The following ENTREP2 variants were observed in gnomAD, a reference collection of about 807,000 sequenced individuals.
ENTREP2 encodes endosomal transmembrane epsin interactor 2.
chr15:29,436,899 A>T, the ENTREP2 span, among the ~76,000 whole-genome samples: 1 of 152,248 alleles, frequency 6.6e-6, no homozygotes, highest in African/African-American at 2.4e-5. Context: ...CTTTAGACAG[A>T]ATTTCAAACG....
chr15:29,582,086 C>T, the ENTREP2 span, among the ~76,000 whole-genome samples: 4 of 151,948 alleles, frequency 2.6e-5, no homozygotes, highest in South Asian at 2.1e-4. Context: ...GGATTATAGG[C>T]GTGCACCACC....
the ENTREP2 span, among the ~76,000 whole-genome samples, chr15:29,639,987 A>G: frequency 6.6e-6 from 1 of 151,978 alleles, no homozygotes; most frequent in African/African-American, 2.4e-5. Flanking sequence ...CAGGCTGGTC[A>G]TGAACTCCTG....
chr15:29,489,068 G>A, the ENTREP2 span, among the ~76,000 whole-genome samples: 18 of 152,218 alleles, frequency 1.2e-4, no homozygotes, highest in Middle Eastern at 3.4e-3. Context: ...CGGTGTGAAT[G>A]TACTAAACGT....
At chr15:29,662,383 G>C in the ENTREP2 span, among the ~76,000 whole-genome samples, 1 of 152,008 alleles carries the variant, frequency 6.6e-6, no homozygotes, top group Non-Finnish European at 1.5e-5. Flanking sequence ...GTCTTATTGT[G>C]CCTGCTTTTA....
At chr15:29,270,571 C>T in the ENTREP2 span, among the ~76,000 whole-genome samples, 1 of 152,292 alleles carries the variant, frequency 6.6e-6, no homozygotes, top group South Asian at 2.1e-4. Flanking sequence ...GAGATTACTA[C>T]TTAATTTGGG....
At chr15:29,374,694 T>G in the ENTREP2 span, 2 of 152,188 alleles carry the variant, frequency 1.3e-5, no homozygotes, top group Non-Finnish European at 2.9e-5. Context: ...TCACTCCTTA[T>G]TCCACATATA....
the ENTREP2 span, among the ~76,000 whole-genome samples, chr15:29,341,607 T>TGC: frequency 6.6e-6 from 1 of 152,166 alleles, no homozygotes; most frequent in Non-Finnish European, 1.5e-5. Context: ...ACAGGACCCC[T>TGC]GCCCCTTGAA....
At chr15:29,210,123 T>C in the ENTREP2 span, among the ~76,000 whole-genome samples, 1 of 152,142 alleles carries the variant, frequency 6.6e-6, no homozygotes, top group Non-Finnish European at 1.5e-5. Flanking sequence ...CCACTTTTCC[T>C]ATGCAGACCA....
At chr15:29,530,830 A>T in the ENTREP2 span, among the ~76,000 whole-genome samples, 1 of 152,226 alleles carries the variant, frequency 6.6e-6, no homozygotes, top group Non-Finnish European at 1.5e-5. Context: ...CAAAAACATC[A>T]TGACAAAGGG....
At chr15:29,672,581 G>A in the ENTREP2 span, among the ~76,000 whole-genome samples, 1 of 152,056 alleles carries the variant, frequency 6.6e-6, no homozygotes, top group African/African-American at 2.4e-5. Context: ...CGGTCCATGT[G>A]TAATTGCCCA....
the ENTREP2 span, among the ~76,000 whole-genome samples, chr15:29,487,690 A>G: frequency 6.6e-6 from 1 of 152,146 alleles, no homozygotes. Context: ...CAAAATGTCC[A>G]GGCGTTTGTT....
chr15:29,574,396 C>T, the ENTREP2 span, among the ~76,000 whole-genome samples: 16 of 152,138 alleles, frequency 1.1e-4, no homozygotes, highest in African/African-American at 2.7e-4. Context: ...TGAGTTCAAG[C>T]GATTCTCGTG....
chr15:29,356,287 T>A, the ENTREP2 span, among the ~76,000 whole-genome samples: 1 of 59,444 alleles, frequency 1.7e-5, no homozygotes, highest in Non-Finnish European at 3.3e-5. Flanking sequence ...TATATATATA[T>A]ATATATATAT....
the ENTREP2 span, among the ~76,000 whole-genome samples, chr15:29,141,074 T>G: frequency 6.6e-6 from 1 of 152,136 alleles, no homozygotes; most frequent in Non-Finnish European, 1.5e-5. Context: ...CCTTCTCAGG[T>G]GGGTGCACGT....
At chr15:29,393,473 C>G in the ENTREP2 span, among the ~76,000 whole-genome samples, 1 of 152,196 alleles carries the variant, frequency 6.6e-6, no homozygotes, top group African/African-American at 2.4e-5. Context: ...TACCGCCTGA[C>G]GCTGCTCCCT....
chr15:29,582,460 A>T, the ENTREP2 span, among the ~76,000 whole-genome samples: 1 of 152,258 alleles, frequency 6.6e-6, no homozygotes, highest in Admixed American at 6.5e-5. Flanking sequence ...AAAGGAGGAA[A>T]ATTTTTAAGA....
chr15:29,125,114 G>C, the ENTREP2 span, among the ~76,000 whole-genome samples: 4 of 152,328 alleles, frequency 2.6e-5, no homozygotes, highest in South Asian at 6.2e-4. Flanking sequence ...GGGGACAGAG[G>C]CGTCAGGCGG....
chr15:29,311,695 CA>C, the ENTREP2 span, among the ~76,000 whole-genome samples: 1 of 151,036 alleles, frequency 6.6e-6, no homozygotes, highest in Admixed American at 6.6e-5. Flanking sequence ...ATCCCCCCCC[CA>C]AAAAAAAGTA....
At chr15:29,517,008 G>C in the ENTREP2 span, among the ~76,000 whole-genome samples, 4 of 150,218 alleles carry the variant, frequency 2.7e-5, no homozygotes, top group African/African-American at 5.0e-5. Flanking sequence ...ACAAAATCTG[G>C]CCAAAGGTGA....
Sources: gnomAD v4.1 joint callset for allele counts (sites outside exome capture counted in the v4.1 genomes callset) on GRCh38, gnomAD v4.1.1 for gene constraint, MANE v1.5 for transcripts, NCBI Gene and HGNC (gene_info 2026-07-23, HGNC 2026-07-21) for gene names.